The following VIPR2 variants were observed in gnomAD, a reference collection of about 807,000 sequenced individuals.
VIPR2 encodes the protein vasoactive intestinal polypeptide receptor 2.
Under a neutral mutation model 58.0 loss-of-function variants are expected in VIPR2, and 48 were observed. The ratio of observed to expected loss-of-function variants is 0.83; its 90% CI spans 0.66 to 1.05. The LOEUF (loss-of-function observed/expected upper bound fraction) is 1.05, where lower values mean the gene tolerates loss of function less well. VIPR2 is among the 50% of genes least tolerant of loss of function. The pLI, the probability that VIPR2 is intolerant of heterozygous loss-of-function variation, is 0.00. For missense variants in VIPR2, 534 were observed against 558.0 expected, an observed-to-expected ratio of 0.96 and a Z score of 0.43; for synonymous variants, 243 against 235.2, an observed-to-expected ratio of 1.03 and a Z score of -0.30.
intron 5 of VIPR2, among the ~76,000 whole-genome samples, chr7:159,043,999 A>G (rs1470750301): frequency 6.6e-6 from 1 of 152,182 alleles, no homozygotes; most frequent in African/African-American, 2.4e-5. Flanking sequence ...TCAGGGCAGA[A>G]AGAATCAGAG....
chr7:159,065,371 C>A (rs1264378918), intron 4 of VIPR2, among the ~76,000 whole-genome samples: 1 of 152,204 alleles, frequency 6.6e-6, no homozygotes, highest in Non-Finnish European at 1.5e-5. Flanking sequence ...CCCTCCGTGG[C>A]TGCTCAAATA....
intron 3 of VIPR2, among the ~76,000 whole-genome samples, 195 bp from the exon 4 acceptor site, chr7:159,104,049 G>A (rs911811382): frequency 6.6e-6 from 1 of 152,146 alleles, no homozygotes; most frequent in Non-Finnish European, 1.5e-5. Flanking sequence ...GTCACCTCTC[G>A]GGGCCGGTGG....
In VIPR2 at chr7:159,095,194, CAT is replaced by C. The variant is rs1380848523; in HGVS notation, c.357+8561_357+8562del. On this transcript the variant is annotated intron_variant, in intron 4 of 12. Coordinates refer to ENST00000262178, the MANE Select transcript of VIPR2 (RefSeq NM_003382.5). The surrounding 1 kb of genome is among the most constrained non-coding windows in gnomAD (Gnocchi z 5.2). ...TGAAATCGGAGCCGAGACAGCAAAT[CAT>C]ATGACAGCATTAGTGAAAATGGGAC... Among the ~76,000 whole-genome samples the C allele has an allele frequency of 6.6e-6, 1 of 152,308 alleles. No individual in the cohort carries two copies. Among genetic ancestry groups the C allele is most frequent in the East Asian group, 1.9e-4 (1 of 5,194 alleles).
intron 5 of VIPR2, among the ~76,000 whole-genome samples, chr7:159,051,849 G>A (rs1855026042): frequency 6.6e-6 from 1 of 151,970 alleles, no homozygotes; most frequent in Non-Finnish European, 1.5e-5. Flanking sequence ...AACAGTGAAA[G>A]AATTAAAAGG....
chr7:159,058,400 G>A, intron 5 of VIPR2, 81 bp downstream of exon 5: 1 of 1,182,714 alleles, frequency 8.5e-7, no homozygotes, highest in South Asian at 1.2e-5. Flanking sequence ...AGGGCTCCAG[G>A]CTGGGTGGCG....
chr7:159,032,836 C>T (rs1253705593), intron 10 of VIPR2, among the ~76,000 whole-genome samples: 2 of 152,082 alleles, frequency 1.3e-5, no homozygotes, highest in Non-Finnish European at 2.9e-5. Flanking sequence ...AGAAACTAAA[C>T]AAGATTCACA....
chr7:159,124,232 T>G (rs1264794170), intron 2 of VIPR2, among the ~76,000 whole-genome samples: 1 of 152,214 alleles, frequency 6.6e-6, no homozygotes, highest in Non-Finnish European at 1.5e-5. Flanking sequence ...ATTCCTGTGT[T>G]CAGGATGCTA....
At chr7:159,061,766 C>A (rs570202394) in intron 4 of VIPR2, among the ~76,000 whole-genome samples, 33 of 152,360 alleles carry the variant, frequency 2.2e-4, no homozygotes, top group African/African-American at 7.7e-4. Flanking sequence ...CGGGAGAAGC[C>A]GACAGACAGG....
At chr7:159,065,058 C>T (rs1055162308) in intron 4 of VIPR2, among the ~76,000 whole-genome samples, 1 of 152,142 alleles carries the variant, frequency 6.6e-6, no homozygotes, top group Admixed American at 6.5e-5. Context: ...GCTGGGAGGG[C>T]GGAAATCACA....
chr7:159,063,887 GTCCT>G (rs1855909481), intron 4 of VIPR2, among the ~76,000 whole-genome samples: 4 of 110,968 alleles, frequency 3.6e-5, no homozygotes, highest in African/African-American at 6.9e-5. Context: ...GGGTCTGGGG[GTCCT>G]GGGGGGATCT....
intron 4 of VIPR2, among the ~76,000 whole-genome samples, 178 bp from the exon 5 acceptor site, chr7:159,058,756 C>T (rs1042800166): frequency 6.6e-6 from 1 of 152,196 alleles, no homozygotes; most frequent in African/African-American, 2.4e-5. Flanking sequence ...ATGACACCCA[C>T]AATTTGGAAC....
At chr7:159,044,762 C>T (rs2730252) in intron 5 of VIPR2, among the ~76,000 whole-genome samples, 126,932 of 151,552 alleles carry the variant, frequency 0.84, 54,710 homozygotes, top group East Asian at 1. Context: ...CTGGGGTAGG[C>T]CAAAGCAGGT....
Position 159,036,102 on chromosome 7 carries a change from C to T in VIPR2, c.749-90G>A, listed in dbSNP as rs1341735624. On this transcript the variant is annotated intron_variant, in intron 7 of 12. Coordinates refer to ENST00000262178, the MANE Select transcript of VIPR2 (RefSeq NM_003382.5). ...TTCACCAGCAAAACCCTCAAGGACACGCTTTCTCACGGGAATATTAAGTGC... is the reference window on the plus strand; with the variant it reads ...TTCACCAGCAAAACCCTCAAGGACATGCTTTCTCACGGGAATATTAAGTGC... The T allele has an allele frequency of 2.1e-5, 30 of 1,412,530 alleles. No homozygotes were observed. In the Admixed American group the frequency reaches 4.6e-4, roughly 22 times the overall value. 87.5% of individuals were successfully genotyped at this position (1,412,530 alleles called of 1,614,324 possible).
chr7:159,113,499 G>A (rs1339585604), intron 2 of VIPR2, among the ~76,000 whole-genome samples: 1 of 152,076 alleles, frequency 6.6e-6, no homozygotes, highest in African/African-American at 2.4e-5. Context: ...TCACCATCTC[G>A]GTGTCTGAGG....
chr7:159,076,854 T>G (rs1295415599), intron 4 of VIPR2, among the ~76,000 whole-genome samples: 1 of 152,226 alleles, frequency 6.6e-6, no homozygotes. Context: ...GTTGTCAATA[T>G]TAGTTATAAT....
intron 6 of VIPR2, among the ~76,000 whole-genome samples, chr7:159,037,554 T>G (rs1331122155): frequency 1.3e-5 from 2 of 152,154 alleles, no homozygotes; most frequent in Admixed American, 6.5e-5. Flanking sequence ...TGTAAGTTCC[T>G]CAATTGTAAA....
rs1857871758 is a variant in VIPR2, at chr7:159,096,757, G to C, written c.357+7000C>G. On this transcript the variant is annotated intron_variant, in intron 4 of 12. Coordinates refer to ENST00000262178, the MANE Select transcript of VIPR2 (RefSeq NM_003382.5). The surrounding 1 kb of genome is among the most constrained non-coding windows in gnomAD (Gnocchi z 5.5). ...GACAGCTGAATGATTTCTGCCTGTG[G>C]CCAGATTTCTGCCCCTGCCTGAGGT... 7.1e-7 allele frequency: 1 copy of C among 1,402,148 alleles called. No homozygotes were observed. Among genetic ancestry groups the C allele is most frequent in the Non-Finnish European group, 9.3e-7 (1 of 1,074,526 alleles). 86.9% of individuals were successfully genotyped at this position (1,402,148 alleles called of 1,614,324 possible).
At chr7:159,088,858 C>T (rs1857328273) in intron 4 of VIPR2, among the ~76,000 whole-genome samples, 1 of 68,442 alleles carries the variant, frequency 1.5e-5, no homozygotes, top group Non-Finnish European at 3.9e-5. Context: ...CAGGCCTCAG[C>T]TCCTCATCTG....
At chr7:159,090,051 C>T (rs377459713) in intron 4 of VIPR2, among the ~76,000 whole-genome samples, 1,833 of 116,940 alleles carry the variant, frequency 0.016, 30 homozygotes, top group South Asian at 0.018. Context: ...TCACAATCCC[C>T]GGTGACCTCA....
Sources: gnomAD v4.1 joint callset for allele counts (sites outside exome capture counted in the v4.1 genomes callset) on GRCh38, gnomAD v4.1.1 for gene constraint, Gnocchi (gnomAD v3.1) non-coding constraint, MANE v1.5 for transcripts, NCBI Gene and HGNC (gene_info 2026-07-23, HGNC 2026-07-21) for gene names.